AFF2: variants seen among roughly 807,000 people sequenced by gnomAD.
AFF2 encodes ALF transcription elongation factor 2, also known as AF4/FMR2 family member 2.
Under a neutral mutation model 76.9 loss-of-function variants are expected in AFF2, and 14 were observed. The observed-to-expected ratio is 0.18, with a 90% CI of 0.12 to 0.28. The LOEUF is 0.28. Ranked by LOEUF, AFF2 falls within the 10% of genes least tolerant of loss-of-function variation. AFF2 has a pLI of 1.00. For missense variants in AFF2, 868 were observed against 1,001.1 expected (o/e 0.87, Z 1.79); for synonymous variants, 398 against 366.7 (o/e 1.09, Z -0.98).
chrX:148,659,090 A>G, intron 2 of AFF2, among the ~76,000 whole-genome samples: 1 of 112,150 alleles, frequency 8.9e-6, no homozygotes, highest in Non-Finnish European at 1.9e-5. Flanking sequence ...ACTTATTGAG[A>G]GAAATTTCAA....
chrX:148,611,136 A>G (rs1414864207), intron 1 of AFF2, among the ~76,000 whole-genome samples: 1 of 111,935 alleles, frequency 8.9e-6, no homozygotes, highest in Admixed American at 9.4e-5. Context: ...GTTGGGCTAG[A>G]TTTTCACTTG....
chrX:148,718,935 T>G (rs192714025), intron 3 of AFF2, among the ~76,000 whole-genome samples: 1 of 111,903 alleles, frequency 8.9e-6, no homozygotes, highest in African/African-American at 3.2e-5. Flanking sequence ...CACTGTTTGA[T>G]AGTTTGAGTA....
intron 3 of AFF2, among the ~76,000 whole-genome samples, chrX:148,701,012 A>AGAGTGTGTGTGTG (rs782232655): frequency 2.7e-5 from 2 of 73,742 alleles, no homozygotes; most frequent in African/African-American, 1.2e-4. Flanking sequence ...GAGAGAGAGA[A>AGAGTGTGTGTGTG]TGTGTGTGTG....
intron 1 of AFF2, among the ~76,000 whole-genome samples, chrX:148,634,681 T>A (rs1603264242): frequency 8.9e-6 from 1 of 111,914 alleles, no homozygotes; most frequent in South Asian, 3.7e-4. Flanking sequence ...TATAAAGCAA[T>A]TTGTCTTCAA....
intron 1 of AFF2, among the ~76,000 whole-genome samples, chrX:148,522,651 A>G (rs1328741933): frequency 3.6e-5 from 4 of 112,081 alleles, no homozygotes; most frequent in African/African-American, 1.3e-4. Context: ...TTGCTGGTAC[A>G]GTTGCTTATA....
chrX:148,709,277 A>G lies in AFF2; in HGVS notation c.1041+46509A>G, dbSNP rs191422692. Among the ~76,000 whole-genome samples, 292 of 111,898 alleles carry G rather than the reference A, an allele frequency of 2.6e-3. 1 individual carries two copies. The highest frequency in any genetic ancestry group is 9.0e-3 in the African/African-American group (277 of 30,854). On this transcript the variant is annotated intron_variant, in intron 3 of 20. Coordinates refer to ENST00000370460, the MANE Select transcript of AFF2 (RefSeq NM_002025.4). ...GACTGCCTTGCCAAATGTGCCATTA[A>G]TTAAATGCCTCCCTGACCACTTTTA...
chrX:148,844,895 G>A (rs1557274609), intron 7 of AFF2, among the ~76,000 whole-genome samples: 1 of 111,617 alleles, frequency 9.0e-6, no homozygotes, highest in East Asian at 2.8e-4. Flanking sequence ...AAAAACAAGA[G>A]AAGGGGATAA....
intron 1 of AFF2, among the ~76,000 whole-genome samples, chrX:148,567,817 AT>A (rs2053185335): frequency 8.9e-6 from 1 of 112,305 alleles, no homozygotes; most frequent in Admixed American, 9.4e-5. Context: ...TGTTTTATAC[AT>A]TGCTAGAAAA....
intron 3 of AFF2, among the ~76,000 whole-genome samples, chrX:148,732,607 A>C (rs2055239407): frequency 1.1e-5 from 1 of 94,887 alleles, no homozygotes; most frequent in Admixed American, 1.1e-4. Flanking sequence ...AAATACAAGC[A>C]GATGAAAAAA....
chrX:148,954,123 T>C (rs2080069065), intron 10 of AFF2, among the ~76,000 whole-genome samples: 1 of 112,198 alleles, frequency 8.9e-6, no homozygotes, highest in Non-Finnish European at 1.9e-5. Flanking sequence ...TTAAAGTGAT[T>C]AAAGTGTGAA....
intron 1 of AFF2, among the ~76,000 whole-genome samples, chrX:148,573,497 T>C (rs782653278): frequency 8.1e-5 from 9 of 110,842 alleles, no homozygotes; most frequent in Non-Finnish European, 1.1e-4. Flanking sequence ...TTTAAAATGG[T>C]GATAAAGACT....
intron 9 of AFF2, among the ~76,000 whole-genome samples, chrX:148,932,592 G>A (rs953682677): frequency 6.3e-5 from 7 of 111,684 alleles, no homozygotes; most frequent in African/African-American, 1.3e-4. Flanking sequence ...GTCTCTCTCC[G>A]GTTGGGTTAA....
intron 7 of AFF2, among the ~76,000 whole-genome samples, chrX:148,845,829 A>G (rs1003170528): frequency 8.9e-6 from 1 of 111,829 alleles, no homozygotes; most frequent in Admixed American, 9.5e-5. Flanking sequence ...ACCCAAGGCC[A>G]GAAAGTGTCC....
intron 1 of AFF2, among the ~76,000 whole-genome samples, chrX:148,587,967 C>T (rs2053484939): frequency 8.9e-6 from 1 of 112,405 alleles, no homozygotes; most frequent in Admixed American, 9.4e-5. Flanking sequence ...GGTTTCAGCT[C>T]CCGCCAAAAG....
intron 3 of AFF2, among the ~76,000 whole-genome samples, chrX:148,719,842 G>A (rs1432246633): frequency 1.8e-5 from 2 of 111,082 alleles, no homozygotes; most frequent in Non-Finnish European, 3.8e-5. Flanking sequence ...CATATGGAGG[G>A]GCCCAGCAGA....
intron 2 of AFF2, among the ~76,000 whole-genome samples, chrX:148,660,402 G>A (rs1160418414): frequency 9.0e-6 from 1 of 111,192 alleles, no homozygotes; most frequent in Non-Finnish European, 1.9e-5. Flanking sequence ...TTCCCCAGAC[G>A]ACTTCACCCA....
intron 9 of AFF2, among the ~76,000 whole-genome samples, chrX:148,937,043 G>C (rs1432997819): frequency 8.9e-6 from 1 of 111,804 alleles, no homozygotes; most frequent in Non-Finnish European, 1.9e-5. Context: ...CGGCTAGGCT[G>C]GTAGTCCTAT....
intron 3 of AFF2, among the ~76,000 whole-genome samples, chrX:148,773,058 G>GA (rs1238002845): frequency 9.6e-6 from 1 of 103,816 alleles, no homozygotes; most frequent in African/African-American, 3.5e-5. Context: ...GAGAAATGAA[G>GA]AAAAAATAAA....
intron 4 of AFF2, among the ~76,000 whole-genome samples, chrX:148,835,585 A>G (rs1200578953): frequency 3.8e-5 from 4 of 106,590 alleles, no homozygotes; most frequent in Non-Finnish European, 7.7e-5. Flanking sequence ...CCCAGGTTCA[A>G]GCGATTCTCC....
Sources: gnomAD v4.1 joint callset for allele counts (sites outside exome capture counted in the v4.1 genomes callset) on GRCh38, gnomAD v4.1.1 for gene constraint, MANE v1.5 for transcripts, NCBI Gene and HGNC (gene_info 2026-07-23, HGNC 2026-07-21) for gene names.